SYNJ2: variants seen among roughly 807,000 people sequenced by gnomAD.
SYNJ2 encodes polyphosphatidylinositol phosphatase SYNJ2.
Under a neutral mutation model 141.3 loss-of-function variants are expected in SYNJ2, and 116 were observed. The ratio of observed to expected loss-of-function variants is 0.82; its 90% CI spans 0.71 to 0.96. SYNJ2 has a LOEUF of 0.96. Ranked by LOEUF, SYNJ2 falls within the 40% of genes least tolerant of loss-of-function variation. SYNJ2 has a pLI of 0.00. For missense variants in SYNJ2, 1,873 were observed against 1,934.8 expected (o/e 0.97, Z 0.60); for synonymous variants, 745 against 777.7 (o/e 0.96, Z 0.70).
chr6:158,035,212 A>G (rs928173315), intron 4 of SYNJ2, among the ~76,000 whole-genome samples: 5 of 152,204 alleles, frequency 3.3e-5, no homozygotes, highest in Admixed American at 6.5e-5. Flanking sequence ...TTCTAGTTCT[A>G]TGAAGAATGT....
chr6:158,064,647 T>C lies in SYNJ2; in HGVS notation c.1256T>C (p.Ile419Thr), dbSNP rs762916532. 5.6e-6 allele frequency: 9 copies of C among 1,614,062 alleles called. No individual in the cohort carries two copies. In the South Asian group the frequency reaches 8.8e-5, roughly 16 times the overall value. Residue 419 changes from isoleucine (I) to threonine (T), a missense_variant, in exon 10 of 27, where the codon ATC becomes ACC. By Grantham distance (89) the Ile-to-Thr change is moderately conservative. Transcript: ENST00000355585. ...LKTLGLSSKPIVDRFVESFKA... is the reference protein window; with the variant it reads ...LKTLGLSSKPTVDRFVESFKA... ...ACCCTGGGGCTGAGTTCAAAACCCA[T>C]CGTTGACCGCTTTGTGGAGTCCTTC...
chr6:158,072,693 GAAAC>G (rs910784354), intron 15 of SYNJ2, among the ~76,000 whole-genome samples: 6 of 148,926 alleles, frequency 4.0e-5, no homozygotes, highest in Non-Finnish European at 8.9e-5. Context: ...TGTTAAAAAA[GAAAC>G]AAACGAGTTG....
At chr6:157,991,494 C>T (rs943640021) in intron 1 of SYNJ2, among the ~76,000 whole-genome samples, 2 of 152,188 alleles carry the variant, frequency 1.3e-5, no homozygotes, top group Non-Finnish European at 2.9e-5. Context: ...AGCCCTGGCT[C>T]CTTAGGCTCT....
At position 157,983,906 on chromosome 6, in the gene SYNJ2, C is replaced by T. The variant is rs191441262; in HGVS notation, c.127+1818C>T. 1.2e-3 allele frequency among the ~76,000 whole-genome samples: 177 copies of T among 152,282 alleles called. 4 individuals are homozygous for T. Among genetic ancestry groups the T allele is most frequent in the Non-Finnish European group, 1.1e-3 (72 of 68,026 alleles). ...GCAGTGGCACAGTCACAGCCCACTG[C>T]AGCCTCAACTTCCCAGGCTCAAGCG... On this transcript the variant is annotated intron_variant, in intron 1 of 26. Transcript: ENST00000355585.
chr6:158,070,156 C>T lies in SYNJ2; in HGVS notation c.1940+483C>T. On this transcript the variant is annotated intron_variant, in intron 14 of 26. Transcript: ENST00000355585. The surrounding 1 kb of genome is among the most constrained non-coding windows in gnomAD (Gnocchi z 4.0). ...AGAAAGGGGGCGAGCTTAGGGGCGG[C>T]ATTCCTCTTGGGGTGTGGGTGTGGG... 1 of 985,850 alleles carries T rather than the reference C, an allele frequency of 1.0e-6. No homozygotes were observed. The highest frequency in any genetic ancestry group is 1.2e-6 in the Non-Finnish European group (1 of 830,266). 61.1% of individuals were successfully genotyped at this position (985,850 alleles called of 1,614,324 possible). A position where few individuals can be genotyped will look rare whatever the true frequency, so the allele number is the denominator to read the frequency against.
chr6:158,095,009 C>T (rs112625177), intron 26 of SYNJ2, among the ~76,000 whole-genome samples: 2,325 of 152,266 alleles, frequency 0.015, 20 homozygotes, highest in Non-Finnish European at 0.024. Flanking sequence ...ATTAGCCAGG[C>T]ATGGTGGCAG....
intron 1 of SYNJ2, among the ~76,000 whole-genome samples, chr6:157,992,819 C>T (rs1168875428): frequency 2.6e-5 from 4 of 151,996 alleles, no homozygotes; most frequent in Non-Finnish European, 2.9e-5. Flanking sequence ...GTATATGTAC[C>T]ACATTTTCTT....
chr6:158,033,564 A>G lies in SYNJ2; in HGVS notation c.595A>G (p.Lys199Glu). 1.2e-6 allele frequency: 2 copies of G among 1,614,150 alleles called. No individual in the cohort carries two copies. The highest frequency in any genetic ancestry group is 1.7e-6 in the Non-Finnish European group (2 of 1,180,048). The change falls in exon 4 of 27, where the codon AAG (lysine) becomes GAG (glutamate). Residue 199 changes from lysine (K) to glutamate (E), a missense_variant. Transcript: ENST00000355585. ...CATCCGCACCGTGTATGCCTCCCAC[A>G]AGCAGGCCAAGGCCTGCCTCGTCTC... ...VTIRTVYASH[K>E]QAKACLVSRV...
At chr6:158,087,926 G>T (rs350291) in intron 23 of SYNJ2, among the ~76,000 whole-genome samples, 6 of 141,276 alleles carry the variant, frequency 4.2e-5, no homozygotes, top group Non-Finnish European at 9.1e-5. Flanking sequence ...TTCTCTGGTC[G>T]GTTGTCTTTT....
At chr6:157,994,181 G>A (rs1286275392) in intron 1 of SYNJ2, among the ~76,000 whole-genome samples, 6 of 152,044 alleles carry the variant, frequency 3.9e-5, no homozygotes, top group South Asian at 2.1e-4. Context: ...CATGAACCCC[G>A]CTTTACCATG....
intron 1 of SYNJ2, among the ~76,000 whole-genome samples, chr6:157,990,723 C>T (rs1777390655): frequency 6.6e-6 from 1 of 152,226 alleles, no homozygotes; most frequent in African/African-American, 2.4e-5. Flanking sequence ...TGCTGGCTGC[C>T]TGTCTGTGAA....
Position 158,043,538 on chromosome 6 carries a change from G to A in SYNJ2, c.795+139G>A. ...TCTTTTTCCTCAGCCCTGTTGTGTT[G>A]AGCTGAGCTATCAAAGTGTGCACAC... On this transcript the variant is annotated intron_variant, in intron 5 of 26. Coordinates refer to ENST00000355585, the MANE Select transcript of SYNJ2 (RefSeq NM_003898.4). The surrounding 1 kb of genome is among the most constrained non-coding windows in gnomAD (Gnocchi z 4.0). 1.6e-6 allele frequency: 1 copy of A among 640,332 alleles called. No individual in the cohort carries two copies. Among genetic ancestry groups the A allele is most frequent in the Non-Finnish European group, 2.7e-6 (1 of 365,836 alleles). The allele number at this position is 640,332 out of a possible 1,614,324, so 39.7% of individuals were successfully genotyped here.
chr6:158,066,601 C>A lies in SYNJ2; in HGVS notation c.1683C>A (p.Asp561Glu), dbSNP rs777960971. 1 of 1,613,772 alleles carries A rather than the reference C, an allele frequency of 6.2e-7. No individual in the cohort carries two copies. Among genetic ancestry groups the A allele is most frequent in the African/African-American group, 1.3e-5 (1 of 74,932 alleles). ...RTAELTDWLL[D>E]SPQLSGATDS... ...CGGAGCTGACAGACTGGCTGCTCGA[C>A]TCGCCCCAGCTCTCGGGAGCTACCG... is the stretch of plus-strand genomic sequence containing the variant. The change falls in exon 12 of 27, where the codon GAC (aspartate) becomes GAA (glutamate). Residue 561 changes from aspartate (D) to glutamate (E), a missense_variant. By Grantham distance (45) the Asp-to-Glu change is conservative (BLOSUM62 2). Transcript: ENST00000355585.
In SYNJ2 at chr6:158,079,978, TTTC is replaced by T. The variant is rs1322298487; in HGVS notation, c.2568-1130_2568-1128del. On this transcript the variant is annotated intron_variant, in intron 18 of 26. Coordinates refer to ENST00000355585, the MANE Select transcript of SYNJ2 (RefSeq NM_003898.4). ...AGGAGTCAGGCCAGAGTCGAGCTATTTTCAATCAGGCTGTGTAATTTTCGTAAT... is the reference window on the plus strand; with the variant it reads ...AGGAGTCAGGCCAGAGTCGAGCTATTAATCAGGCTGTGTAATTTTCGTAAT... Among the ~76,000 whole-genome samples, 4 of 152,316 alleles carry T rather than the reference TTTC, an allele frequency of 2.6e-5. No individual in the cohort carries two copies. The East Asian group carries it at 7.7e-4, about 29-fold the overall frequency.
chr6:158,094,663 A>G (rs1337150147), intron 26 of SYNJ2, among the ~76,000 whole-genome samples: 1 of 152,148 alleles, frequency 6.6e-6, no homozygotes, highest in East Asian at 1.9e-4. Flanking sequence ...TGGAAAAGAG[A>G]CTTTCTTTTT....
At chr6:158,014,562 C>T (rs888703288) in intron 1 of SYNJ2, among the ~76,000 whole-genome samples, 21 of 152,250 alleles carry the variant, frequency 1.4e-4, no homozygotes, top group African/African-American at 3.9e-4. Flanking sequence ...TCTCCAGCTA[C>T]GCTGGTAATC....
intron 16 of SYNJ2, among the ~76,000 whole-genome samples, chr6:158,075,246 T>C (rs544976494): frequency 4.2e-4 from 64 of 151,466 alleles, no homozygotes; most frequent in Admixed American, 1.4e-3. Flanking sequence ...TTCTCCTCCT[T>C]CTAATACTGT....
intron 4 of SYNJ2, among the ~76,000 whole-genome samples, chr6:158,035,907 C>A (rs1353379713): frequency 6.6e-6 from 1 of 151,278 alleles, no homozygotes; most frequent in Non-Finnish European, 1.5e-5. Flanking sequence ...TTTTTGCAAA[C>A]TATGCATCTG....
At chr6:158,064,198 C>T (rs147217640) in intron 9 of SYNJ2, among the ~76,000 whole-genome samples, 395 of 152,258 alleles carry the variant, frequency 2.6e-3, no homozygotes, top group Admixed American at 6.9e-3. Flanking sequence ...TGAGGCTGGC[C>T]GGATGAGGCT....
Sources: allele counts gnomAD v4.1 joint callset (sites outside exome capture counted in the v4.1 genomes callset), GRCh38; gene constraint gnomAD v4.1.1; non-coding constraint Gnocchi (gnomAD v3.1); transcripts MANE v1.5; gene names NCBI Gene and HGNC (gene_info 2026-07-23, HGNC 2026-07-21).